DLGAP2: variants seen among roughly 807,000 people sequenced by gnomAD.
DLGAP2 encodes DLG associated protein 2.
Under a neutral mutation model 100.3 loss-of-function variants are expected in DLGAP2, and 26 were observed. The observed-to-expected ratio is 0.26, with a 90% CI of 0.19 to 0.36. The LOEUF is 0.36. Ranked by LOEUF, DLGAP2 falls within the 10% of genes least tolerant of loss-of-function variation. The probability of loss-of-function intolerance (pLI) is 1.00; values close to 1 mark genes in which losing one functional copy is unlikely to be tolerated. For synonymous variants in DLGAP2, 886 were observed against 630.1 expected (o/e 1.41, Z -6.08); for missense variants, 1,858 against 1,453.2 (o/e 1.28, Z -4.53).
intron 2 of DLGAP2, among the ~76,000 whole-genome samples, chr8:917,123 G>C (rs1798610339): frequency 6.6e-6 from 1 of 152,182 alleles, no homozygotes; most frequent in Non-Finnish European, 1.5e-5. Context: ...AGGAGTGAAG[G>C]GCCGGGGATA....
At chr8:1,191,965 A>G (rs1797649685) in intron 2 of DLGAP2, among the ~76,000 whole-genome samples, 1 of 152,204 alleles carries the variant, frequency 6.6e-6, no homozygotes, top group Admixed American at 6.5e-5. Flanking sequence ...TGTAGCAATG[A>G]CTTCAAAACT....
chr8:1,372,219 A>C (rs1416983358), intron 3 of DLGAP2, among the ~76,000 whole-genome samples: 9 of 83,646 alleles, frequency 1.1e-4, no homozygotes, highest in Admixed American at 1.0e-3. Flanking sequence ...CAACGCTGGG[A>C]CGCTGGTCAC....
chr8:1,233,951 ACG>A (rs1444711081), intron 2 of DLGAP2, among the ~76,000 whole-genome samples: 1 of 152,164 alleles, frequency 6.6e-6, no homozygotes, highest in Non-Finnish European at 1.5e-5. Context: ...GTGTCCTAGG[ACG>A]GGGTTTGACC....
chr8:1,583,709 C>G (rs916618750), intron 6 of DLGAP2, among the ~76,000 whole-genome samples: 4 of 152,142 alleles, frequency 2.6e-5, no homozygotes, highest in Admixed American at 6.5e-5. Context: ...TCAGATCACT[C>G]AGCTCCTAGC....
chr8:861,083 G>C (rs1351962574), intron 1 of DLGAP2, among the ~76,000 whole-genome samples: 2 of 152,064 alleles, frequency 1.3e-5, no homozygotes, highest in Non-Finnish European at 2.9e-5. Context: ...AGAGGGAGTG[G>C]GGCAGTGAGG....
intron 3 of DLGAP2, among the ~76,000 whole-genome samples, chr8:1,498,938 C>T (rs1799625780): frequency 6.6e-6 from 1 of 152,236 alleles, no homozygotes; most frequent in Non-Finnish European, 1.5e-5. Context: ...ACCTTCCATG[C>T]ATGTACCCTC....
chr8:842,042 T>C (rs1444150869), intron 1 of DLGAP2, among the ~76,000 whole-genome samples: 2 of 152,174 alleles, frequency 1.3e-5, no homozygotes, highest in African/African-American at 2.4e-5. Context: ...CATGCTCCCC[T>C]GTGTCCTGCA....
At chr8:1,177,774 C>A (rs779078232) in intron 2 of DLGAP2, among the ~76,000 whole-genome samples, 1 of 152,154 alleles carries the variant, frequency 6.6e-6, no homozygotes, top group Admixed American at 6.5e-5. Context: ...GTAGACCACA[C>A]CTGCTGTGCC....
At chr8:1,276,131 T>TA (rs1799689393) in intron 3 of DLGAP2, among the ~76,000 whole-genome samples, 2 of 145,150 alleles carry the variant, frequency 1.4e-5, no homozygotes, top group Non-Finnish European at 3.0e-5. Flanking sequence ...TATAAATGTA[T>TA]ATAAACTCAC....
rs562185826 is a variant in DLGAP2 at position 1,129,527 on chromosome 8, T to G, written c.74-129324T>G. Among the ~76,000 whole-genome samples the G allele has an allele frequency of 2.0e-5, 3 of 152,318 alleles. No individual in the cohort carries two copies. The East Asian group carries it at 5.8e-4, about 29-fold the overall frequency. Reference sequence around the variant, plus strand: ...TTTGCAGCTATAATCCTAATGAAGTTTTGTAAAATGCTGGGAGGAGACGTT... The same window carrying G: ...TTTGCAGCTATAATCCTAATGAAGTGTTGTAAAATGCTGGGAGGAGACGTT... On this transcript the variant is annotated intron_variant, in intron 2 of 14. Coordinates refer to ENST00000637795, the MANE Select transcript of DLGAP2 (RefSeq NM_001346810.2).
chr8:1,498,268 TTTC>T (rs199797276), intron 3 of DLGAP2, among the ~76,000 whole-genome samples: 1,784 of 152,226 alleles, frequency 0.012, 30 homozygotes, highest in African/African-American at 0.039. Context: ...ATGGTAAGTG[TTTC>T]TTATCAGAGT....
intron 2 of DLGAP2, among the ~76,000 whole-genome samples, chr8:1,126,287 A>G (rs1454097596): frequency 1.3e-5 from 2 of 152,200 alleles, no homozygotes; most frequent in African/African-American, 2.4e-5. Context: ...AGCTTCCTCC[A>G]TATATAAAAA....
At chr8:1,499,462 C>T (rs7016029) in intron 3 of DLGAP2, among the ~76,000 whole-genome samples, 4,626 of 152,254 alleles carry the variant, frequency 0.03, 203 homozygotes, top group African/African-American at 0.1. Context: ...ACACATATGA[C>T]GATGGTCTCC....
intron 2 of DLGAP2, among the ~76,000 whole-genome samples, chr8:944,452 C>T (rs1435097703): frequency 1.3e-5 from 2 of 151,738 alleles, no homozygotes. Flanking sequence ...ACAACTGATC[C>T]CTGTAGGTGA....
intron 2 of DLGAP2, among the ~76,000 whole-genome samples, chr8:923,653 C>T (rs1186264950): frequency 6.6e-6 from 1 of 152,138 alleles, no homozygotes; most frequent in East Asian, 1.9e-4. Context: ...TTTAGAGACC[C>T]CTCTGAGCTT....
At chr8:836,141 T>G (rs964792110) in intron 1 of DLGAP2, among the ~76,000 whole-genome samples, 2 of 152,204 alleles carry the variant, frequency 1.3e-5, no homozygotes, top group African/African-American at 4.8e-5. Flanking sequence ...TGGTCTTAAA[T>G]TTAGACACCG....
rs558367099 is a variant in DLGAP2 at position 1,471,736 on chromosome 8, C to G, written c.107-29630C>G. On this transcript the variant is annotated intron_variant, in intron 3 of 14. Coordinates refer to ENST00000637795, the MANE Select transcript of DLGAP2 (RefSeq NM_001346810.2). ...ATATCCATCAGCAGCTGGTGACGGA[C>G]CATGCTGTGTAGGAATTCACCCTTG... Among the ~76,000 whole-genome samples, 5 of 152,268 alleles carry G rather than the reference C, an allele frequency of 3.3e-5. No homozygotes were observed. The East Asian group carries it at 9.7e-4, about 29-fold the overall frequency.
At chr8:1,378,398 C>T (rs1193830557) in intron 3 of DLGAP2, among the ~76,000 whole-genome samples, 3 of 151,654 alleles carry the variant, frequency 2.0e-5, no homozygotes, top group Admixed American at 6.6e-5. Context: ...TTGCCACACA[C>T]ACCTGACTTC....
chr8:1,575,279 T>G (rs551731436), intron 6 of DLGAP2, among the ~76,000 whole-genome samples: 41 of 152,010 alleles, frequency 2.7e-4, no homozygotes, highest in Middle Eastern at 3.4e-3. Flanking sequence ...TTAGGTTACA[T>G]GAAATAAGCC....
Sources: gnomAD v4.1 joint callset for allele counts (sites outside exome capture counted in the v4.1 genomes callset) on GRCh38, gnomAD v4.1.1 for gene constraint, MANE v1.5 for transcripts, NCBI Gene and HGNC (gene_info 2026-07-23, HGNC 2026-07-21) for gene names.